The following SEC14L4 variants were observed in gnomAD, a reference collection of about 807,000 sequenced individuals.
The protein encoded by SEC14L4 is SEC14-like protein 4.
Under a neutral mutation model 55.1 loss-of-function variants are expected in SEC14L4, and 42 were observed. That is an observed-to-expected ratio of 0.76 (90% confidence interval 0.60 to 0.99). The LOEUF is 0.99. Ranked by LOEUF, SEC14L4 falls within the 50% of genes least tolerant of loss-of-function variation. The probability of loss-of-function intolerance (pLI) is 0.00; values close to 1 mark genes in which losing one functional copy is unlikely to be tolerated. For missense variants in SEC14L4, 445 were observed against 512.1 expected (o/e 0.87, Z 1.27); for synonymous variants, 206 against 206.8 (o/e 1.00, Z 0.03).
intron 2 of SEC14L4, among the ~76,000 whole-genome samples, chr22:30,498,773 T>C (rs1569245336): frequency 1.3e-5 from 2 of 152,196 alleles, no homozygotes; most frequent in African/African-American, 4.8e-5. Flanking sequence ...GTCTTATAAG[T>C]AGGATTTGAA....
intron 7 of SEC14L4, 54 bp from the exon 8 acceptor site, chr22:30,492,611 C>T: frequency 1.4e-6 from 2 of 1,383,194 alleles, no homozygotes; most frequent in Non-Finnish European, 2.1e-6. Context: ...CGTGGGGATA[C>T]AGAGCCACAG....
intron 7 of SEC14L4, 129 bp from the exon 8 acceptor site, chr22:30,492,686 T>C: frequency 1.4e-6 from 1 of 704,952 alleles, no homozygotes; most frequent in Non-Finnish European, 2.5e-6. Flanking sequence ...CTGTGTGACC[T>C]TCAGCAAGTT....
chr22:30,493,247 G>C (rs1422901533), intron 7 of SEC14L4, among the ~76,000 whole-genome samples: 1 of 152,080 alleles, frequency 6.6e-6, no homozygotes. Context: ...ATCTTCTTGG[G>C]TGTGACATCT....
Position 30,503,882 on chromosome 22 carries a change from A to G in SEC14L4, c.55-130T>C. On this transcript the variant is annotated intron_variant, in intron 1 of 11. Coordinates refer to ENST00000255858, the MANE Select transcript of SEC14L4 (RefSeq NM_174977.4). ...AAGACCATGCAGGGTGCTGCCCTGA[A>G]CGACTTTGCCATCTGAAAATAGGGC... 9.7e-6 allele frequency: 6 copies of G among 617,810 alleles called. 1 individual carries two copies. The South Asian group carries it at 1.3e-4, about 14-fold the overall frequency. 38.3% of individuals were successfully genotyped at this position (617,810 alleles called of 1,614,324 possible).
chr22:30,494,099 C>T (rs1419605467), intron 7 of SEC14L4, 51 bp downstream of exon 7: 1 of 1,366,982 alleles, frequency 7.3e-7, no homozygotes, highest in Non-Finnish European at 1.0e-6. Context: ...CTACTGTACC[C>T]CCAATTCCTG....
intron 7 of SEC14L4, among the ~76,000 whole-genome samples, chr22:30,493,912 G>T (rs909532937): frequency 1.3e-5 from 2 of 152,144 alleles, no homozygotes; most frequent in Non-Finnish European, 2.9e-5. Flanking sequence ...GCTGAGGCAG[G>T]AGAATTGCTT....
chr22:30,505,546 G>A lies in SEC14L4; in HGVS notation c.54+12C>T, dbSNP rs1217392943. 6.4e-7 allele frequency: 1 copy of A among 1,561,730 alleles called. No homozygotes were observed. Among genetic ancestry groups the A allele is most frequent in the South Asian group, 1.2e-5 (1 of 84,928 alleles). ...CCCCTCCTCAAGCCTCCCAGCCCGC[G>A]ATGCTCCTCACCCTGGCCAGCGCTT... On this transcript the variant is annotated intron_variant, in intron 1 of 11. Coordinates refer to ENST00000255858, the MANE Select transcript of SEC14L4 (RefSeq NM_174977.4).
chr22:30,505,633 G>C lies in SEC14L4; in HGVS notation c.-22C>G. 6.5e-7 allele frequency: 1 copy of C among 1,541,524 alleles called. No homozygotes were observed. Reference sequence around the variant, plus strand: ...TCATGGTGCCCGCGGGCGCAGAAAGGCTCAGGGCGCAGGTCCGCCCGCCCG... The same window carrying C: ...TCATGGTGCCCGCGGGCGCAGAAAGCCTCAGGGCGCAGGTCCGCCCGCCCG... On this transcript the variant is annotated 5_prime_UTR_variant, in exon 1 of 12. Coordinates refer to ENST00000255858, the MANE Select transcript of SEC14L4 (RefSeq NM_174977.4).
At chr22:30,497,673 C>T (rs967958725) in intron 2 of SEC14L4, among the ~76,000 whole-genome samples, 5 of 152,148 alleles carry the variant, frequency 3.3e-5, no homozygotes, top group African/African-American at 1.2e-4. Context: ...TGATTCCAGC[C>T]CCATCATCAG....
intron 6 of SEC14L4, 106 bp downstream of exon 6, chr22:30,494,760 G>T (rs1389914759): frequency 4.1e-6 from 3 of 739,902 alleles, no homozygotes; most frequent in African/African-American, 1.7e-5. Context: ...CCCCTGCAAG[G>T]CATCCCCACC....
rs745814210 is a variant in SEC14L4 at position 30,503,668 on chromosome 22, A to C, written c.130+9T>G. 1.2e-6 allele frequency: 2 copies of C among 1,604,144 alleles called. No homozygotes were observed. Among genetic ancestry groups the C allele is most frequent in the Non-Finnish European group, 1.7e-6 (2 of 1,171,780 alleles). ...CCTTTCTGCGTCCCCTGACCCCTGC[A>C]AGCCTCACCTCGCAGCCAGCGCAGG... On this transcript the variant is annotated intron_variant, in intron 2 of 11. Transcript: ENST00000255858.
At chr22:30,495,697 C>G (rs1936125507) in intron 3 of SEC14L4, 55 bp from the exon 4 acceptor site, 1 of 1,612,190 alleles carries the variant, frequency 6.2e-7, no homozygotes, top group African/African-American at 1.3e-5. Flanking sequence ...GGACACCAGG[C>G]TAGGTCCCTC....
At chr22:30,501,498 G>A (rs1354521288) in intron 2 of SEC14L4, among the ~76,000 whole-genome samples, 1 of 152,178 alleles carries the variant, frequency 6.6e-6, no homozygotes, top group Non-Finnish European at 1.5e-5. Flanking sequence ...GGTCCAGGCT[G>A]GGGGCAATGA....
chr22:30,504,337 G>A lies in SEC14L4; in HGVS notation c.55-585C>T, dbSNP rs560562610. Among the ~76,000 whole-genome samples, 9 of 152,228 alleles carry A rather than the reference G, an allele frequency of 5.9e-5. No individual in the cohort carries two copies. In the South Asian group the frequency reaches 1.9e-3, roughly 32 times the overall value. ...CCCAAAGTGCTGGGATCACAGGCGTGAGCCACCATGCCCGACTGACAGCCT... is the reference window on the plus strand; with the variant it reads ...CCCAAAGTGCTGGGATCACAGGCGTAAGCCACCATGCCCGACTGACAGCCT... On this transcript the variant is annotated intron_variant, in intron 1 of 11. Coordinates refer to ENST00000255858, the MANE Select transcript of SEC14L4 (RefSeq NM_174977.4).
chr22:30,497,226 C>A (rs1255930969), intron 2 of SEC14L4, among the ~76,000 whole-genome samples: 1 of 152,172 alleles, frequency 6.6e-6, no homozygotes, highest in Non-Finnish European at 1.5e-5. Context: ...GTAATCCCAG[C>A]TACTCAGGAG....
intron 2 of SEC14L4, among the ~76,000 whole-genome samples, chr22:30,496,694 T>C (rs1471668041): frequency 6.6e-6 from 1 of 152,208 alleles, no homozygotes; most frequent in East Asian, 1.9e-4. Flanking sequence ...TTACCTTCTC[T>C]GAGCCTTAGT....
chr22:30,502,374 A>C (rs955875380), intron 2 of SEC14L4, among the ~76,000 whole-genome samples: 4 of 152,308 alleles, frequency 2.6e-5, no homozygotes, highest in African/African-American at 9.6e-5. Context: ...CCACAGGCAC[A>C]TGCTAGCACT....
Position 30,497,548 on chromosome 22 carries a change from C to G in SEC14L4, c.131-1577G>C, listed in dbSNP as rs911959189. On this transcript the variant is annotated intron_variant, in intron 2 of 11. Coordinates refer to ENST00000255858, the MANE Select transcript of SEC14L4 (RefSeq NM_174977.4). ...TGAAAAAAAAAAAAAAAGAAAGAAC[C>G]CCCAATGCAACAGCTCAGCCTTGAT... 1.5e-4 allele frequency among the ~76,000 whole-genome samples: 23 copies of G among 151,714 alleles called. 4 individuals carry two copies. Among genetic ancestry groups the G allele is most frequent in the Admixed American group, 1.4e-3 (21 of 15,200 alleles).
intron 2 of SEC14L4, among the ~76,000 whole-genome samples, chr22:30,498,289 A>C (rs1936214779): frequency 6.6e-6 from 1 of 151,774 alleles, no homozygotes; most frequent in Non-Finnish European, 1.5e-5. Context: ...TGCCTGGCTA[A>C]TTTTTGTATT....
Sources: gnomAD v4.1 joint callset for allele counts (sites outside exome capture counted in the v4.1 genomes callset) on GRCh38, gnomAD v4.1.1 for gene constraint, MANE v1.5 for transcripts, NCBI Gene and HGNC (gene_info 2026-07-23, HGNC 2026-07-21) for gene names.